ELFN1: variants seen among roughly 807,000 people sequenced by gnomAD.
ELFN1 encodes the protein extracellular leucine rich repeat and fibronectin type III domain containing 1, also known as protein ELFN1.
Under a neutral mutation model 7.6 loss-of-function variants are expected in ELFN1, and 6 were observed. The observed-to-expected ratio is 0.79, with a 90% CI of 0.43 to 1.56. The LOEUF is 1.56. Among genes scored for constraint, ELFN1 ranks in the 40% most tolerant of loss-of-function variants. The pLI is 0.01. For missense variants in ELFN1, 1,169 were observed against 1,232.2 expected, an observed-to-expected ratio of 0.95 and a Z score of 0.77; for synonymous variants, 657 against 588.1, an observed-to-expected ratio of 1.12 and a Z score of -1.70.
Position 1,746,722 on chromosome 7 carries a change from G to T in ELFN1, c.2126G>T (p.Gly709Val). The T allele has an allele frequency of 1.4e-6, 2 of 1,479,306 alleles. No homozygotes were observed. Among genetic ancestry groups the T allele is most frequent in the South Asian group, 2.5e-5 (2 of 78,918 alleles). The allele number at this position is 1,479,306 out of a possible 1,614,324, so 91.6% of individuals were successfully genotyped here. A position where few individuals can be genotyped will look rare whatever the true frequency, so the allele number is the denominator to read the frequency against. Residue 709 changes from glycine (G) to valine (V), a missense_variant, in exon 4 of 4, where the codon GGC becomes GTC. Coordinates refer to ENST00000424383, the MANE Select transcript of ELFN1 (RefSeq NM_001128636.4). ...QYGEHRHSYPGSHPAEPPAPP... is the reference protein window; with the variant it reads ...QYGEHRHSYPVSHPAEPPAPP... ...GGCGAGCACCGGCACTCGTACCCCG[G>T]CTCCCACCCGGCCGAGCCACCTGCG...
At chr7:1,672,427 C>T (rs1312338612) in intron 1 of ELFN1, among the ~76,000 whole-genome samples, 1 of 152,034 alleles carries the variant, frequency 6.6e-6, no homozygotes, top group East Asian at 1.9e-4. Flanking sequence ...GCGCCCAGGG[C>T]CAGAGCCTGG....
intron 1 of ELFN1, among the ~76,000 whole-genome samples, chr7:1,674,533 A>G (rs528996796): frequency 6.6e-6 from 1 of 152,182 alleles, no homozygotes; most frequent in African/African-American, 2.4e-5. Context: ...ACCCCACAGG[A>G]AGAGGCAGGC....
At chr7:1,693,545 A>G (rs1208303048) in intron 2 of ELFN1, 2 of 471,112 alleles carry the variant, frequency 4.2e-6, no homozygotes, top group Non-Finnish European at 8.8e-6. Context: ...GAACACATAC[A>G]CGCCTGTGGA....
rs1383660478 is a variant in ELFN1 at position 1,734,063 on chromosome 7, A to G, written c.-293-10241A>G. 2.0e-5 allele frequency among the ~76,000 whole-genome samples: 3 copies of G among 152,350 alleles called. 1 individual carries two copies. The East Asian group carries it at 5.8e-4, about 29-fold the overall frequency. On this transcript the variant is annotated intron_variant, in intron 3 of 3. Transcript: ENST00000424383. ...GAAGAACCAGCACCTGTCTGCCTTC[A>G]GTCTCAAACCAGCCATCCCTGAAAG...
chr7:1,747,315 C>G lies in ELFN1; in HGVS notation c.*232C>G, dbSNP rs1583414633. The G allele has an allele frequency of 5.5e-4, 147 of 267,504 alleles. No individual in the cohort carries two copies. Among genetic ancestry groups the G allele is most frequent in the South Asian group, 1.4e-3 (9 of 6,406 alleles). 16.6% of individuals were successfully genotyped at this position (267,504 alleles called of 1,614,324 possible). A position where few individuals can be genotyped will look rare whatever the true frequency, so the allele number is the denominator to read the frequency against. ...GGTGGCACGTGTCCACACACACACA[C>G]ACACACACACACACACACACGAGGG... is the stretch of plus-strand genomic sequence containing the variant. On this transcript the variant is annotated 3_prime_UTR_variant, in exon 4 of 4. Coordinates refer to ENST00000424383, the MANE Select transcript of ELFN1 (RefSeq NM_001128636.4).
chr7:1,692,726 C>T (rs569073184), intron 2 of ELFN1: 1 of 154,200 alleles, frequency 6.5e-6, no homozygotes, highest in South Asian at 2.1e-4. Context: ...TCCCTCCCCT[C>T]AACCTCACCA....
chr7:1,743,548 G>A (rs1370031642), intron 3 of ELFN1, among the ~76,000 whole-genome samples: 1 of 152,216 alleles, frequency 6.6e-6, no homozygotes, highest in Non-Finnish European at 1.5e-5. Context: ...CTCATTTGGG[G>A]AAACTGAGGC....
intron 3 of ELFN1, among the ~76,000 whole-genome samples, chr7:1,729,216 G>A (rs1437881406): frequency 6.6e-6 from 1 of 152,326 alleles, no homozygotes; most frequent in South Asian, 2.1e-4. Flanking sequence ...ACGTGAGCTT[G>A]GAGGAGGCCT....
chr7:1,745,428 C>T lies in ELFN1; in HGVS notation c.832C>T (p.Pro278Ser), dbSNP rs1428273059. 2.6e-6 allele frequency: 4 copies of T among 1,539,430 alleles called. No individual in the cohort carries two copies. The East Asian group carries it at 9.8e-5, about 38-fold the overall frequency. The change falls in exon 4 of 4, where the codon CCC becomes TCC. Residue 278 changes from proline to serine, a missense_variant. By Grantham distance (74) the Pro-to-Ser change is moderately conservative (BLOSUM62 -1). Transcript: ENST00000424383. ...GRSQPGRSPP[P>S]PPPPEPSDMP... is the part of the protein sequence containing the mutation. ...CTCACAGCCGGGCCGCTCCCCGCCG[C>T]CCCCGCCTCCGCCGGAGCCCAGTGA...
chr7:1,738,024 C>T (rs1449329256), intron 3 of ELFN1, among the ~76,000 whole-genome samples: 2 of 152,308 alleles, frequency 1.3e-5, no homozygotes, highest in Non-Finnish European at 2.9e-5. Flanking sequence ...CAGGCAGATG[C>T]CCCCAGGACA....
At chr7:1,672,003 G>A (rs1778776760) in intron 1 of ELFN1, among the ~76,000 whole-genome samples, 1 of 152,214 alleles carries the variant, frequency 6.6e-6, no homozygotes, top group African/African-American at 2.4e-5. Flanking sequence ...CCAAGTCAGA[G>A]ATTGGGGGCC....
At chr7:1,697,270 G>A (rs963448074) in intron 2 of ELFN1, among the ~76,000 whole-genome samples, 1 of 152,152 alleles carries the variant, frequency 6.6e-6, no homozygotes, top group Non-Finnish European at 1.5e-5. Context: ...CCATGGACAC[G>A]CACAGGGCCT....
At position 1,695,868 on chromosome 7, in the gene ELFN1, C is replaced by G. The variant is rs1433089317; in HGVS notation, c.-456+7718C>G. Among the ~76,000 whole-genome samples, 1 of 151,564 alleles carries G rather than the reference C, an allele frequency of 6.6e-6. No individual in the cohort carries two copies. The highest frequency in any genetic ancestry group is 6.6e-5 in the Admixed American group (1 of 15,208). On this transcript the variant is annotated intron_variant, in intron 2 of 3. Transcript: ENST00000424383. This position sits in a 1 kb window ranked among gnomAD's most constrained non-coding sequence, Gnocchi z 5.1. ...CCCGCCAGGCCCTAGGGTTACCAGA[C>G]AAAGTCTGTTTCCTCCTGGAGTGTG...
At chr7:1,694,045 C>T (rs893303905) in intron 2 of ELFN1, 2 of 333,778 alleles carry the variant, frequency 6.0e-6, no homozygotes, top group East Asian at 7.7e-5. Context: ...GGGCCACAGA[C>T]TCAGCAGGGA....
chr7:1,668,811 C>T (rs1778709929), upstream of ELFN1, among the ~76,000 whole-genome samples: 1 of 152,262 alleles, frequency 6.6e-6, no homozygotes, highest in South Asian at 2.1e-4. Flanking sequence ...GGGAGAAAGG[C>T]CACAGCTTAG....
chr7:1,737,616 G>T (rs906948987), intron 3 of ELFN1, among the ~76,000 whole-genome samples: 1 of 152,134 alleles, frequency 6.6e-6, no homozygotes, highest in Non-Finnish European at 1.5e-5. Context: ...GAAGTGGCCA[G>T]CTCATTCCAT....
chr7:1,683,687 A>G (rs1224872912), intron 1 of ELFN1, among the ~76,000 whole-genome samples: 2 of 152,124 alleles, frequency 1.3e-5, no homozygotes, highest in East Asian at 3.8e-4. Flanking sequence ...TTCTCCTTTT[A>G]ATTCTGCCAA....
At chr7:1,693,820 G>A (rs1055025034) in intron 2 of ELFN1, 51 of 467,938 alleles carry the variant, frequency 1.1e-4, no homozygotes, top group Non-Finnish European at 2.2e-4. Context: ...GGCCTCCCCA[G>A]GGACGGCTGG....
rs1375094485 is a variant in ELFN1, at chr7:1,740,886, T to C, written c.-293-3418T>C. On this transcript the variant is annotated intron_variant, in intron 3 of 3. Coordinates refer to ENST00000424383, the MANE Select transcript of ELFN1 (RefSeq NM_001128636.4). The surrounding 1 kb of genome is among the most constrained non-coding windows in gnomAD (Gnocchi z 5.0). ...GGCTCACGCCTGTAATCCCAGCACTTTGGGAGGCCAAGGCAGGTGGATCAC... is the reference window on the plus strand; with the variant it reads ...GGCTCACGCCTGTAATCCCAGCACTCTGGGAGGCCAAGGCAGGTGGATCAC... Among the ~76,000 whole-genome samples, 1 of 152,112 alleles carries C rather than the reference T, an allele frequency of 6.6e-6. No individual in the cohort carries two copies. The highest frequency in any genetic ancestry group is 1.5e-5 in the Non-Finnish European group (1 of 68,014).
Sources: allele counts gnomAD v4.1 joint callset (sites outside exome capture counted in the v4.1 genomes callset), GRCh38; gene constraint gnomAD v4.1.1; non-coding constraint Gnocchi (gnomAD v3.1); transcripts MANE v1.5; gene names NCBI Gene and HGNC (gene_info 2026-07-23, HGNC 2026-07-21).